MAP2K5: variants seen among roughly 807,000 people sequenced by gnomAD.
The protein encoded by MAP2K5 is dual specificity mitogen-activated protein kinase kinase 5.
MAP2K5 carries 49 observed loss-of-function variants against 83.1 expected under a neutral mutation model. The ratio of observed to expected loss-of-function variants is 0.59; its 90% CI spans 0.47 to 0.75. The LOEUF (loss-of-function observed/expected upper bound fraction) is 0.75. Among genes scored for constraint, MAP2K5 ranks in the 30% least tolerant of loss-of-function variants. The pLI is 0.00. For synonymous variants in MAP2K5, 202 were observed against 191.8 expected, an observed-to-expected ratio of 1.05 and a Z score of -0.44; for missense variants, 457 against 557.5, an observed-to-expected ratio of 0.82 and a Z score of 1.82.
intron 7 of MAP2K5, among the ~76,000 whole-genome samples, chr15:67,594,380 T>C (rs1334531351): frequency 6.6e-6 from 1 of 152,212 alleles, no homozygotes; most frequent in Non-Finnish European, 1.5e-5. Flanking sequence ...GCTTGCATTC[T>C]AGTTACTAAT....
rs779666410 is a variant in MAP2K5, at chr15:67,703,440, A to T, written c.1044+32A>T. ...TGTTTGCACATAGACGCTTCTGTGC[A>T]TATCTGTACTAATATATTCAATCAG... On this transcript the variant is annotated intron_variant, in intron 16 of 21. Transcript: ENST00000178640. 5.3e-6 allele frequency: 8 copies of T among 1,507,914 alleles called. No homozygotes were observed. The East Asian group carries it at 1.8e-4, about 34-fold the overall frequency. The allele number at this position is 1,507,914 out of a possible 1,614,324, so 93.4% of individuals were successfully genotyped here.
intron 8 of MAP2K5, among the ~76,000 whole-genome samples, chr15:67,613,791 G>A (rs903113843): frequency 6.6e-6 from 1 of 151,718 alleles, no homozygotes; most frequent in South Asian, 2.1e-4. Flanking sequence ...AATGGAAACG[G>A]GTTAATATTT....
intron 17 of MAP2K5, among the ~76,000 whole-genome samples, chr15:67,744,716 A>G (rs2089565841): frequency 6.6e-6 from 1 of 152,248 alleles, no homozygotes; most frequent in African/African-American, 2.4e-5. Context: ...ATTGCTTTTT[A>G]TCACCAGAGC....
At chr15:67,731,966 T>C (rs2089233352) in intron 17 of MAP2K5, among the ~76,000 whole-genome samples, 2 of 152,170 alleles carry the variant, frequency 1.3e-5, no homozygotes, top group African/African-American at 2.4e-5. Context: ...CACTTGCTTT[T>C]CTTACCATGT....
At position 67,802,834 on chromosome 15, in the gene MAP2K5, A is replaced by C. The variant is rs2141348831; in HGVS notation, c.1243-3812A>C. On this transcript the variant is annotated intron_variant, in intron 21 of 21. Transcript: ENST00000178640. The surrounding 1 kb of genome is among the most constrained non-coding windows in gnomAD (Gnocchi z 5.0). ...GATGGGGCTGCAAGAGCTTGCCTGC[A>C]TCTGGATTCCTCTGCCTGGGAGGGA... 6.6e-6 allele frequency among the ~76,000 whole-genome samples: 1 copy of C among 152,364 alleles called. No individual in the cohort carries two copies. The highest frequency in any genetic ancestry group is 1.5e-5 in the Non-Finnish European group (1 of 68,036).
Position 67,785,615 on chromosome 15 carries a change from T to A in MAP2K5, c.1242+12863T>A, listed in dbSNP as rs1397152869. On this transcript the variant is annotated intron_variant, in intron 21 of 21. Coordinates refer to ENST00000178640, the MANE Select transcript of MAP2K5 (RefSeq NM_145160.3). The surrounding 1 kb of genome is among the most constrained non-coding windows in gnomAD (Gnocchi z 4.4). ...CAGCAAGGAGAAGACAACCCACAGATGTCCACACCAACACAGGTGCTGGAG... is the reference window on the plus strand; with the variant it reads ...CAGCAAGGAGAAGACAACCCACAGAAGTCCACACCAACACAGGTGCTGGAG... 6.6e-6 allele frequency among the ~76,000 whole-genome samples: 1 copy of A among 152,078 alleles called. No homozygotes were observed. Among genetic ancestry groups the A allele is most frequent in the Non-Finnish European group, 1.5e-5 (1 of 68,000 alleles).
At chr15:67,631,930 A>C (rs1167291705) in intron 9 of MAP2K5, among the ~76,000 whole-genome samples, 2 of 151,708 alleles carry the variant, frequency 1.3e-5, no homozygotes, top group African/African-American at 2.4e-5. Context: ...CTTCCCCACA[A>C]ATTGTTCAGA....
Position 67,692,574 on chromosome 15 carries a change from T to A in MAP2K5, c.921+22T>A, listed in dbSNP as rs201215088. On this transcript the variant is annotated intron_variant, in intron 14 of 21. Coordinates refer to ENST00000178640, the MANE Select transcript of MAP2K5 (RefSeq NM_145160.3). ...TCAGGTATGTCTCTTTTCCTCCCAGTGTACTGTTTTCTCTGCAACAACCCC... is the reference window on the plus strand; with the variant it reads ...TCAGGTATGTCTCTTTTCCTCCCAGAGTACTGTTTTCTCTGCAACAACCCC... 1.2e-4 allele frequency: 186 copies of A among 1,584,618 alleles called. 2 individuals carry two copies. The East Asian group carries it at 3.9e-3, about 33-fold the overall frequency.
chr15:67,649,447 A>G (rs1336063854), intron 11 of MAP2K5, among the ~76,000 whole-genome samples: 1 of 151,856 alleles, frequency 6.6e-6, no homozygotes, highest in Non-Finnish European at 1.5e-5. Flanking sequence ...CTCAGCCTCA[A>G]GTTTTATTGT....
At chr15:67,633,787 C>T (rs1399703229) in intron 9 of MAP2K5, among the ~76,000 whole-genome samples, 1 of 152,136 alleles carries the variant, frequency 6.6e-6, no homozygotes, top group Non-Finnish European at 1.5e-5. Context: ...TTGTGTAGCC[C>T]TGAGCTTGTT....
intron 15 of MAP2K5, among the ~76,000 whole-genome samples, chr15:67,695,115 G>T (rs972980225): frequency 6.8e-6 from 1 of 147,264 alleles, no homozygotes. Context: ...GTTGTGGGTT[G>T]GGGGGAGGGG....
intron 9 of MAP2K5, among the ~76,000 whole-genome samples, chr15:67,632,855 C>A (rs1367072953): frequency 6.6e-6 from 1 of 152,202 alleles, no homozygotes; most frequent in South Asian, 2.1e-4. Flanking sequence ...AGTTCTTCTT[C>A]CATATCACAT....
chr15:67,547,671 G>A (rs754350040), intron 1 of MAP2K5, among the ~76,000 whole-genome samples: 2 of 151,986 alleles, frequency 1.3e-5, no homozygotes, highest in Non-Finnish European at 2.9e-5. Context: ...TGGCCAGGCT[G>A]GTCTTGAACT....
chr15:67,696,127 C>CT (rs66634396), intron 15 of MAP2K5, among the ~76,000 whole-genome samples: 2 of 129,948 alleles, frequency 1.5e-5, no homozygotes. Flanking sequence ...AAGAGCTGAG[C>CT]TTTTTTTTTT....
At chr15:67,646,097 G>A in intron 9 of MAP2K5, 134 bp from the exon 10 acceptor site, 1 of 496,982 alleles carries the variant, frequency 2.0e-6, no homozygotes, top group South Asian at 3.2e-5. Flanking sequence ...TTGTATTACT[G>A]GGAATTATAG....
At chr15:67,791,632 C>A (rs2090520585) in intron 21 of MAP2K5, among the ~76,000 whole-genome samples, 1 of 152,166 alleles carries the variant, frequency 6.6e-6, no homozygotes, top group Non-Finnish European at 1.5e-5. Context: ...ACATCCAGTG[C>A]AAATCCCAGC....
intron 17 of MAP2K5, among the ~76,000 whole-genome samples, chr15:67,729,742 C>T (rs2141249942): frequency 6.6e-6 from 1 of 152,172 alleles, no homozygotes; most frequent in African/African-American, 2.4e-5. Flanking sequence ...CCAGCCTGGG[C>T]AACAGAGCAA....
intron 16 of MAP2K5, among the ~76,000 whole-genome samples, chr15:67,704,715 C>G (rs1304497169): frequency 6.6e-5 from 10 of 152,118 alleles, no homozygotes; most frequent in East Asian, 1.9e-4. Context: ...ACTGAGTCTC[C>G]CAACAGAATC....
intron 4 of MAP2K5, among the ~76,000 whole-genome samples, chr15:67,582,055 ATTTCTTTT>A (rs912577059): frequency 7.4e-6 from 1 of 134,908 alleles, no homozygotes; most frequent in African/African-American, 2.7e-5. Context: ...GATGTAGATG[ATTTCTTTT>A]TTTTTTTTTT....
Sources: allele counts gnomAD v4.1 joint callset (sites outside exome capture counted in the v4.1 genomes callset), GRCh38; gene constraint gnomAD v4.1.1; non-coding constraint Gnocchi (gnomAD v3.1); transcripts MANE v1.5; gene names NCBI Gene and HGNC (gene_info 2026-07-23, HGNC 2026-07-21).